Variants in MARVELD3 observed in about 807,000 individuals in gnomAD.
MARVELD3 encodes MARVEL domain-containing protein 3.
Under a neutral mutation model 33.5 loss-of-function variants are expected in MARVELD3, and 28 were observed. The ratio of observed to expected loss-of-function variants is 0.84; its 90% confidence interval spans 0.62 to 1.15. The LOEUF (loss-of-function observed/expected upper bound fraction) is 1.15. Ranked by LOEUF, MARVELD3 falls within the 50% of genes most tolerant of loss-of-function variation. The pLI, the probability that MARVELD3 is intolerant of heterozygous loss-of-function variation, is 0.00. For synonymous variants in MARVELD3, 241 were observed against 230.4 expected (o/e 1.05, Z -0.42); for missense variants, 582 against 547.6 (o/e 1.06, Z -0.63).
At chr16:71,631,090 G>A (rs1249860094) in intron 2 of MARVELD3, among the ~76,000 whole-genome samples, 3 of 152,202 alleles carry the variant, frequency 2.0e-5, no homozygotes, top group Non-Finnish European at 4.4e-5. Flanking sequence ...ACCTGAAAAT[G>A]TAATCTCAGG....
Position 71,626,393 on chromosome 16 carries a change from G to A in MARVELD3, c.164G>A (p.Gly55Glu), listed in dbSNP as rs1230987885. ...AGCGACGGGAACCGGCGAAGGGACGGGGACCGGGACCCGGAGAGAGACCAG... is the reference window on the plus strand; with the variant it reads ...AGCGACGGGAACCGGCGAAGGGACGAGGACCGGGACCCGGAGAGAGACCAG... ...RSSDGNRRRD[G>E]DRDPERDQER... The change falls in exon 1 of 3, where the codon GGG becomes GAG. Residue 55 changes from glycine (G) to glutamate (E), a missense_variant. Gly to Glu is a moderately conservative substitution (Grantham distance 98). Coordinates refer to ENST00000268485, the MANE Select transcript of MARVELD3 (RefSeq NM_052858.6). This position sits in a 1 kb window ranked among gnomAD's most constrained non-coding sequence, Gnocchi z 5.3. 6.5e-7 allele frequency: 1 copy of A among 1,546,406 alleles called. No homozygotes were observed. The highest frequency in any genetic ancestry group is 8.7e-7 in the Non-Finnish European group (1 of 1,145,110).
chr16:71,626,307 C>T lies in MARVELD3; in HGVS notation c.78C>T (p.Asp26=), dbSNP rs2145268249. ...ACCCGGGACGGCGCCCCCACCCAGA[C>T]CAAGGCCGCACCCACGATCGACCGC... ...ERDPGRRPHP[D]QGRTHDRPRD... Residue 26 remains aspartate, a synonymous_variant, in exon 1 of 3, where the codon GAC becomes GAT. Transcript: ENST00000268485. The surrounding 1 kb of genome is among the most constrained non-coding windows in gnomAD (Gnocchi z 5.3). 1 of 1,548,304 alleles carries T rather than the reference C, an allele frequency of 6.5e-7. No individual in the cohort carries two copies. The highest frequency in any genetic ancestry group is 8.7e-7 in the Non-Finnish European group (1 of 1,146,560).
At chr16:71,627,277 C>T (rs1567603246) in intron 1 of MARVELD3, among the ~76,000 whole-genome samples, 1 of 152,186 alleles carries the variant, frequency 6.6e-6, no homozygotes, top group Admixed American at 6.5e-5. Flanking sequence ...CCGAGGCGGG[C>T]GGATCACCTG....
Position 71,634,604 on chromosome 16 carries a change from T to C in MARVELD3, c.1007T>C (p.Val336Ala). 3.7e-6 allele frequency: 6 copies of C among 1,614,138 alleles called. No homozygotes were observed. Among genetic ancestry groups the C allele is most frequent in the Non-Finnish European group, 5.1e-6 (6 of 1,180,030 alleles). The change falls in exon 3 of 3, where the codon GTG becomes GCG. Residue 336 changes from valine (V) to alanine (A), a missense_variant. By Grantham distance (64) the Val-to-Ala change is moderately conservative (BLOSUM62 0). Transcript: ENST00000268485. ...HYLSAAYGSPVCKERQALYQS... is the reference protein window; with the variant it reads ...HYLSAAYGSPACKERQALYQS... ...CTCTCTGCTGCCTATGGCTCTCCTGTGTGTAAAGAGAGGCAGGCGCTGTAC... is the reference window on the plus strand; with the variant it reads ...CTCTCTGCTGCCTATGGCTCTCCTGCGTGTAAAGAGAGGCAGGCGCTGTAC...
chr16:71,637,921 T>G (rs2044592236), downstream of MARVELD3: 1 of 152,214 alleles, frequency 6.6e-6, no homozygotes, highest in Non-Finnish European at 1.5e-5. Context: ...TATCACACGG[T>G]TGCTTTCATT....
chr16:71,631,992 G>C (rs1039169178), intron 2 of MARVELD3, among the ~76,000 whole-genome samples: 2 of 152,152 alleles, frequency 1.3e-5, no homozygotes, highest in Non-Finnish European at 2.9e-5. Context: ...TTGGCAGCAT[G>C]TACAATTTCC....
chr16:71,629,822 G>A (rs952697906), intron 2 of MARVELD3: 2 of 383,108 alleles, frequency 5.2e-6, no homozygotes, highest in African/African-American at 4.1e-5. Context: ...GCTGTCAGAG[G>A]AGGGATCTTC....
intron 2 of MARVELD3, among the ~76,000 whole-genome samples, chr16:71,632,784 G>C (rs1292858067): frequency 6.6e-6 from 1 of 151,534 alleles, no homozygotes; most frequent in African/African-American, 2.4e-5. Context: ...GCTAATTTTT[G>C]TATTTTTAGT....
In MARVELD3 at chr16:71,634,702, C is replaced by G; in HGVS notation, c.1105C>G (p.Leu369Val). ...TATAGGAGCTGGAATCTTTGCTGCC[C>G]TGGGCATTGTGGTCTTTGCCCTGGG... Reference protein sequence around the residue: ...ADIGAGIFAALGIVVFALGAV... With the variant: ...ADIGAGIFAAVGIVVFALGAV... The change falls in exon 3 of 3, where the codon CTG (leucine) becomes GTG (valine). Residue 369 changes from leucine (L) to valine (V), a missense_variant. Coordinates refer to ENST00000268485, the MANE Select transcript of MARVELD3 (RefSeq NM_052858.6). 1.2e-6 allele frequency: 2 copies of G among 1,614,240 alleles called. No homozygotes were observed. The highest frequency in any genetic ancestry group is 1.7e-6 in the Non-Finnish European group (2 of 1,180,042).
rs1030487273 is a variant in MARVELD3, at chr16:71,631,592, C to T, written c.595+2098C>T. Among the ~76,000 whole-genome samples, 7 of 151,982 alleles carry T rather than the reference C, an allele frequency of 4.6e-5. 1 individual carries two copies. The highest frequency in any genetic ancestry group is 3.9e-4 in the East Asian group (2 of 5,170). ...AGCCTCCCGAGTGGCTGGGAGGTAG[C>T]GCGTGCCACCATGCCCAGCTAATTG... On this transcript the variant is annotated intron_variant, in intron 2 of 2. Transcript: ENST00000268485.
chr16:71,635,431 G>A lies in MARVELD3; in HGVS notation c.*628G>A. 1.0e-6 allele frequency: 1 copy of A among 984,342 alleles called. No individual in the cohort carries two copies. The highest frequency in any genetic ancestry group is 1.2e-6 in the Non-Finnish European group (1 of 829,750). The allele number at this position is 984,342 out of a possible 1,614,324, so 61.0% of individuals were successfully genotyped here. A position where few individuals can be genotyped will look rare whatever the true frequency, so the allele number is the denominator to read the frequency against. ...TCATTCAGTAAAGGGAGGTCACCAA[G>A]AGAATTTGATGAACCTTACCTTCAA... On this transcript the variant is annotated 3_prime_UTR_variant, in exon 3 of 3. Coordinates refer to ENST00000268485, the MANE Select transcript of MARVELD3 (RefSeq NM_052858.6).
chr16:71,630,910 C>T (rs572566919), intron 2 of MARVELD3, among the ~76,000 whole-genome samples: 16 of 152,244 alleles, frequency 1.1e-4, no homozygotes, highest in African/African-American at 3.4e-4. Context: ...CCAAATGTGG[C>T]GTCCCCAGGT....
At chr16:71,632,686 A>C (rs1447021211) in intron 2 of MARVELD3, among the ~76,000 whole-genome samples, 2 of 150,778 alleles carry the variant, frequency 1.3e-5, no homozygotes, top group Non-Finnish European at 2.9e-5. Flanking sequence ...ATCTCAGCTC[A>C]CTGCAAACTC....
chr16:71,641,378 A>T (rs2044618181), downstream of MARVELD3: 1 of 203,898 alleles, frequency 4.9e-6, no homozygotes, highest in Admixed American at 5.3e-5. Context: ...ACCTGAGGTC[A>T]GGTGTTTGAA....
At position 71,635,015 on chromosome 16, in the gene MARVELD3, A is replaced by G. The variant is rs1220630620; in HGVS notation, c.*212A>G. On this transcript the variant is annotated 3_prime_UTR_variant, in exon 3 of 3. Coordinates refer to ENST00000268485, the MANE Select transcript of MARVELD3 (RefSeq NM_052858.6). ...GGAGTCCTCTGTGAGTGAGGGACCA[A>G]TCAAAATTATTTTTCAAAAAGCAAA... 2.3e-6 allele frequency: 3 copies of G among 1,278,354 alleles called. No individual in the cohort carries two copies. The African/African-American group carries it at 4.5e-5, about 19-fold the overall frequency. 79.2% of individuals were successfully genotyped at this position (1,278,354 alleles called of 1,614,324 possible).
At chr16:71,639,623 T>G (rs2044603570), downstream of MARVELD3, among the ~76,000 whole-genome samples, 1 of 151,112 alleles carries the variant, frequency 6.6e-6, no homozygotes, top group African/African-American at 2.4e-5. Context: ...ATTTTTGTAT[T>G]TTTAGTAGAG....
In MARVELD3 at chr16:71,634,452, C is replaced by T; in HGVS notation, c.855C>T (p.Cys285=). The change falls in exon 3 of 3, where the codon TGC becomes TGT. Residue 285 remains cysteine (C), a synonymous_variant. Coordinates refer to ENST00000268485, the MANE Select transcript of MARVELD3 (RefSeq NM_052858.6). ...GTGGAGCCCTCACAGCCCTCTGCTG[C>T]CTCTTCGTTGCCATGGGTGTCCTGC... The part of the protein sequence containing the change: ...ACSGALTALC[C]LFVAMGVLRV... The T allele has an allele frequency of 6.2e-7, 1 of 1,614,244 alleles. No individual in the cohort carries two copies. Among genetic ancestry groups the T allele is most frequent in the Non-Finnish European group, 8.5e-7 (1 of 1,180,046 alleles).
downstream of MARVELD3, chr16:71,637,876 C>G (rs1441780267): frequency 6.6e-6 from 1 of 152,170 alleles, no homozygotes; most frequent in Non-Finnish European, 1.5e-5. Context: ...TTTTCACATA[C>G]TTGCTTTTTT....
chr16:71,628,142 G>A (rs926138422), intron 1 of MARVELD3, among the ~76,000 whole-genome samples: 5 of 152,168 alleles, frequency 3.3e-5, no homozygotes, highest in Non-Finnish European at 7.3e-5. Flanking sequence ...TCAAAGCTTC[G>A]CCCAGGGAAA....
Sources: gnomAD v4.1 joint callset for allele counts (sites outside exome capture counted in the v4.1 genomes callset) on GRCh38, gnomAD v4.1.1 for gene constraint, Gnocchi (gnomAD v3.1) non-coding constraint, MANE v1.5 for transcripts, NCBI Gene and HGNC (gene_info 2026-07-23, HGNC 2026-07-21) for gene names.